SLC6A9: variants seen among roughly 807,000 people sequenced by gnomAD.
SLC6A9 encodes sodium- and chloride-dependent glycine transporter 1.
Under a neutral mutation model 70.9 loss-of-function variants are expected in SLC6A9, and 31 were observed. That is an observed-to-expected ratio of 0.44 (90% CI 0.33 to 0.59). SLC6A9 has a LOEUF of 0.59. Among genes scored for constraint, SLC6A9 ranks in the 20% least tolerant of loss-of-function variants. The pLI, the probability that SLC6A9 is intolerant of heterozygous loss-of-function variation, is 0.04. For missense variants in SLC6A9, 631 were observed against 845.2 expected, an observed-to-expected ratio of 0.75 and a Z score of 3.14; for synonymous variants, 310 against 341.3, an observed-to-expected ratio of 0.91 and a Z score of 1.01.
At chr1:44,022,688 G>GT (rs1208302788) in intron 2 of SLC6A9, among the ~76,000 whole-genome samples, 2 of 139,848 alleles carry the variant, frequency 1.4e-5, no homozygotes, top group Non-Finnish European at 3.1e-5. Context: ...ACAAACTGCT[G>GT]TTTTTTAATT....
At chr1:44,000,901 C>A in intron 11 of SLC6A9, 34 bp from the exon 12 acceptor site, 2 of 1,595,648 alleles carry the variant, frequency 1.3e-6, no homozygotes, top group Non-Finnish European at 1.7e-6. Context: ...ACCCGCAGGA[C>A]AGAGTGGGCG....
chr1:44,023,716 G>A (rs1039450499), intron 2 of SLC6A9, among the ~76,000 whole-genome samples: 8 of 152,024 alleles, frequency 5.3e-5, no homozygotes, highest in South Asian at 2.1e-4. Flanking sequence ...TACCTCTCCC[G>A]TGTCTCGTGG....
At chr1:43,999,480 T>C (rs1190096138) in intron 12 of SLC6A9, among the ~76,000 whole-genome samples, 6 of 151,786 alleles carry the variant, frequency 4.0e-5, no homozygotes, top group African/African-American at 7.3e-5. Flanking sequence ...AGGACATCAA[T>C]CTAGTCTGAA....
chr1:44,000,927 C>G, intron 11 of SLC6A9, 29 bp downstream of exon 11: 1 of 1,600,654 alleles, frequency 6.2e-7, no homozygotes, highest in Non-Finnish European at 8.5e-7. Flanking sequence ...AGGGCCGGGT[C>G]GCGGGAGGCC....
intron 5 of SLC6A9, among the ~76,000 whole-genome samples, chr1:44,005,586 C>A (rs889228228): frequency 6.6e-6 from 1 of 152,276 alleles, no homozygotes; most frequent in South Asian, 2.1e-4. Context: ...TAATTCACCC[C>A]GGCACACCCA....
In SLC6A9 at chr1:44,000,894, C is replaced by T. The variant is rs748912355; in HGVS notation, c.1436-27G>A. Reference sequence around the variant, plus strand: ...TGGAGAGATGGGGGGTCAGCAGACCCGCAGGACAGAGTGGGCGGGCCAAGG... The same window carrying T: ...TGGAGAGATGGGGGGTCAGCAGACCTGCAGGACAGAGTGGGCGGGCCAAGG... On this transcript the variant is annotated intron_variant, in intron 11 of 13. Coordinates refer to ENST00000372310, the MANE Select transcript of SLC6A9 (RefSeq NM_001024845.3). 6.3e-6 allele frequency: 10 copies of T among 1,598,856 alleles called. No homozygotes were observed. The highest frequency in any genetic ancestry group is 1.7e-5 in the Admixed American group (1 of 58,618).
At chr1:44,004,448 C>A (rs779871797) in intron 5 of SLC6A9, among the ~76,000 whole-genome samples, 1 of 152,174 alleles carries the variant, frequency 6.6e-6, no homozygotes, top group Non-Finnish European at 1.5e-5. Flanking sequence ...CAGTCTCAAT[C>A]GATCCTCCCA....
chr1:44,001,535 A>G lies in SLC6A9; in HGVS notation c.1055T>C (p.Leu352Pro), dbSNP rs2086106018. ...TGCCACACGGGACACATCCACGCCCAGGTGATTGGCCATGAAGCCGAGGAT... is the reference window on the plus strand; with the variant it reads ...TGCCACACGGGACACATCCACGCCCGGGTGATTGGCCATGAAGCCGAGGAT... ...FSILGFMANH[L>P]GVDVSRVADH... Residue 352 changes from leucine (L) to proline (P), a missense_variant, in exon 9 of 14, where the codon CTG (leucine) becomes CCG (proline). Coordinates refer to ENST00000372310, the MANE Select transcript of SLC6A9 (RefSeq NM_001024845.3). 2 of 1,614,254 alleles carry G rather than the reference A, an allele frequency of 1.2e-6. No homozygotes were observed. The highest frequency in any genetic ancestry group is 1.1e-5 in the South Asian group (1 of 91,090).
At position 44,002,585 on chromosome 1, in the gene SLC6A9, A is replaced by T; in HGVS notation, c.785T>A (p.Val262Glu). The T allele has an allele frequency of 6.2e-7, 1 of 1,613,794 alleles. No homozygotes were observed. The highest frequency in any genetic ancestry group is 8.5e-7 in the Non-Finnish European group (1 of 1,179,910). Residue 262 changes from valine to glutamate, a missense_variant, in exon 7 of 14, where the codon GTG (valine) becomes GAG (glutamate). Transcript: ENST00000372310. The surrounding 1 kb of genome is among the most constrained non-coding windows in gnomAD (Gnocchi z 5.5). ...VVLTILFVRG[V>E]TLEGAFDGIM... Reference sequence around the variant, plus strand: ...GCCGTCAAAGGCTCCCTCCAGGGTCACTCCGCGGACAAACAGAATGGTCAG... The same window carrying T: ...GCCGTCAAAGGCTCCCTCCAGGGTCTCTCCGCGGACAAACAGAATGGTCAG...
At chr1:44,027,817 A>G (rs1175579259) in intron 1 of SLC6A9, among the ~76,000 whole-genome samples, 1 of 152,136 alleles carries the variant, frequency 6.6e-6, no homozygotes, top group African/African-American at 2.4e-5. Context: ...CTCTACTAAA[A>G]ACACAAAATT....
At chr1:44,024,565 G>A (rs981957772) in intron 1 of SLC6A9, among the ~76,000 whole-genome samples, 2 of 152,236 alleles carry the variant, frequency 1.3e-5, no homozygotes, top group African/African-American at 4.8e-5. Context: ...TTGATCTCCA[G>A]GCTTCCTGTC....
At position 44,001,070 on chromosome 1, in the gene SLC6A9, G is replaced by A. The variant is rs1323018322; in HGVS notation, c.1336-15C>T. ...TAGATGCCTGCCTGGGGAACAGCGG[G>A]CAGCTGTGGGAGGCGCCTGCAGCCC... On this transcript the variant is annotated splice_polypyrimidine_tract_variant and intron_variant, in intron 10 of 13. Transcript: ENST00000372310. 2.5e-6 allele frequency: 4 copies of A among 1,595,262 alleles called. No homozygotes were observed. Among genetic ancestry groups the A allele is most frequent in the Admixed American group, 3.4e-5 (2 of 58,470 alleles).
chr1:44,017,099 C>G, intron 2 of SLC6A9: 1 of 1,605,414 alleles, frequency 6.2e-7, no homozygotes, highest in South Asian at 1.1e-5. Flanking sequence ...CATCCTGGGG[C>G]GAGCGATCGC....
rs1386126975 is a variant in SLC6A9, at chr1:43,997,657, A to G, written c.1790T>C (p.Ile597Thr). Residue 597 changes from isoleucine (I) to threonine (T), a missense_variant, in exon 14 of 14, where the codon ATA becomes ACA. By Grantham distance (89) the Ile-to-Thr change is moderately conservative. Transcript: ENST00000372310. The surrounding 1 kb of genome is among the most constrained non-coding windows in gnomAD (Gnocchi z 4.4). ...GAAGCCGTCCTCAGGAGAGGGGGCT[A>G]TGGTGGGGGCGTAGCGCCCTGTCCG... ...EHRTGRYAPT[I>T]APSPEDGFEV... 1.9e-6 allele frequency: 3 copies of G among 1,613,796 alleles called. No individual in the cohort carries two copies. Among genetic ancestry groups the G allele is most frequent in the Middle Eastern group, 1.6e-4 (1 of 6,076 alleles).
At chr1:43,998,123 A>G (rs980006127) in intron 12 of SLC6A9, 98 bp from the exon 13 acceptor site, 3 of 1,208,762 alleles carry the variant, frequency 2.5e-6, no homozygotes, top group African/African-American at 3.1e-5. Context: ...GGTTTCCCAA[A>G]CTAGAAAAGG....
Position 43,997,210 on chromosome 1 carries a change from A to C in SLC6A9, c.*335T>G, listed in dbSNP as rs990942390. ...TCATGGGGCTGGAGGCCCACCCAGA[A>C]CCTCAGCTCAGGGCAGGGTATAAGG... On this transcript the variant is annotated 3_prime_UTR_variant, in exon 14 of 14. Coordinates refer to ENST00000372310, the MANE Select transcript of SLC6A9 (RefSeq NM_001024845.3). The surrounding 1 kb of genome is among the most constrained non-coding windows in gnomAD (Gnocchi z 4.4). 1.4e-5 allele frequency: 4 copies of C among 283,662 alleles called. No homozygotes were observed. Among genetic ancestry groups the C allele is most frequent in the African/African-American group, 9.1e-5 (4 of 43,812 alleles). The allele number at this position is 283,662 out of a possible 1,614,324, so 17.6% of individuals were successfully genotyped here.
chr1:44,002,402 A>C lies in SLC6A9; in HGVS notation c.873T>G (p.Ala291=), dbSNP rs781212631. ...CCAGTGAGTAGAAGATCTGGGAGGC[A>C]GCATCACCCCACACCTGCAGGGAAG... ...KILEAKVWGD[A]ASQIFYSLGC... is the part of the protein sequence containing the mutation. Residue 291 remains alanine (A), a synonymous_variant, in exon 8 of 14, where the codon GCT becomes GCG. Transcript: ENST00000372310. This position sits in a 1 kb window ranked among gnomAD's most constrained non-coding sequence, Gnocchi z 5.5. 6.2e-7 allele frequency: 1 copy of C among 1,613,990 alleles called. No individual in the cohort carries two copies. Among genetic ancestry groups the C allele is most frequent in the Non-Finnish European group, 8.5e-7 (1 of 1,179,972 alleles).
In SLC6A9 at chr1:44,018,592, C is replaced by T. The variant is rs2086820012; in HGVS notation, c.30+5656G>A. Among the ~76,000 whole-genome samples, 1 of 128,276 alleles carries T rather than the reference C, an allele frequency of 7.8e-6. No homozygotes were observed. Among genetic ancestry groups the T allele is most frequent in the South Asian group, 2.5e-4 (1 of 4,012 alleles). The allele number at this position is 128,276 out of a possible 152,430, so 84.2% of individuals were successfully genotyped here. ...CTGGGCAGCAAGAGCAAAACTCTCT[C>T]TCTAAAATAATAATAATAATAATAA... On this transcript the variant is annotated intron_variant, in intron 2 of 13. Transcript: ENST00000372310. This position sits in a 1 kb window ranked among gnomAD's most constrained non-coding sequence, Gnocchi z 4.2.
chr1:44,000,180 C>T (rs2086039037), intron 12 of SLC6A9, among the ~76,000 whole-genome samples: 1 of 152,222 alleles, frequency 6.6e-6, no homozygotes, highest in South Asian at 2.1e-4. Flanking sequence ...GTGGAAAGTG[C>T]CTGCTTCCTT....
Sources: gnomAD v4.1 joint callset for allele counts (sites outside exome capture counted in the v4.1 genomes callset) on GRCh38, gnomAD v4.1.1 for gene constraint, Gnocchi (gnomAD v3.1) non-coding constraint, MANE v1.5 for transcripts, NCBI Gene and HGNC (gene_info 2026-07-23, HGNC 2026-07-21) for gene names.